VEZF1: variants seen among roughly 807,000 people sequenced by gnomAD.
The protein encoded by VEZF1 is vascular endothelial zinc finger 1, also known as putative transcription factor DB1.
In VEZF1, 5 loss-of-function variants were observed where a neutral mutation model predicts 44.1. The observed-to-expected ratio is 0.11, with a 90% CI of 0.06 to 0.24. VEZF1 has a LOEUF of 0.24. Among genes scored for constraint, VEZF1 ranks in the 10% least tolerant of loss-of-function variants. The probability of loss-of-function intolerance (pLI) is 1.00; values close to 1 mark genes in which losing one functional copy is unlikely to be tolerated. For synonymous variants in VEZF1, 236 were observed against 233.1 expected (o/e 1.01, Z -0.11); for missense variants, 358 against 641.8 (o/e 0.56, Z 4.78).
chr17:57,973,732 G>T lies in VEZF1; in HGVS notation c.*741C>A, dbSNP rs2075161003. 1 of 151,470 alleles carries T rather than the reference G, an allele frequency of 6.6e-6. No homozygotes were observed. The highest frequency in any genetic ancestry group is 2.1e-4 in the South Asian group (1 of 4,800). The allele number at this position is 151,470 out of a possible 1,614,324, so 9.4% of individuals were successfully genotyped here. A position where few individuals can be genotyped will look rare whatever the true frequency, so the allele number is the denominator to read the frequency against. Reference sequence around the variant, plus strand: ...TTTTCTTAGCAAAACACAATTTGTAGATTTTTTTTAAATTTTTTTTTTTTT... The same window carrying T: ...TTTTCTTAGCAAAACACAATTTGTATATTTTTTTTAAATTTTTTTTTTTTT... On this transcript the variant is annotated 3_prime_UTR_variant, in exon 6 of 6. Coordinates refer to ENST00000581208, the MANE Select transcript of VEZF1 (RefSeq NM_007146.3).
chr17:57,978,133 G>A (rs543842460), intron 5 of VEZF1, among the ~76,000 whole-genome samples: 2 of 152,100 alleles, frequency 1.3e-5, no homozygotes, highest in East Asian at 3.9e-4. Flanking sequence ...AACCCAGGAG[G>A]CGGAGGCTGC....
chr17:57,985,106 A>G (rs970421880), intron 1 of VEZF1: 3 of 467,814 alleles, frequency 6.4e-6, no homozygotes, highest in Non-Finnish European at 1.0e-5. Context: ...TAATAGCTGA[A>G]GATAGCTGAA....
At chr17:57,987,445 A>T (rs1223433990) in intron 1 of VEZF1, among the ~76,000 whole-genome samples, 3 of 152,166 alleles carry the variant, frequency 2.0e-5, no homozygotes, top group Non-Finnish European at 4.4e-5. Context: ...CACTCACAAC[A>T]TCCGCCCCCC....
chr17:57,981,981 G>C, intron 2 of VEZF1, 45 bp from the exon 3 acceptor site: 1 of 1,587,092 alleles, frequency 6.3e-7, no homozygotes, highest in Non-Finnish European at 8.7e-7. Context: ...CGAACACATA[G>C]AGAAATGCTA....
chr17:57,987,448 C>T (rs751213213), intron 1 of VEZF1, among the ~76,000 whole-genome samples: 2 of 152,162 alleles, frequency 1.3e-5, no homozygotes, highest in African/African-American at 2.4e-5. Flanking sequence ...TCACAACATC[C>T]GCCCCCCCAA....
intron 1 of VEZF1, among the ~76,000 whole-genome samples, chr17:57,987,794 G>C (rs1598052400): frequency 1.3e-5 from 2 of 151,908 alleles, no homozygotes; most frequent in African/African-American, 2.4e-5. Flanking sequence ...CCCCTTCAGA[G>C]CGAGAGGGAA....
At chr17:57,984,331 T>C (rs1465682924) in intron 1 of VEZF1, among the ~76,000 whole-genome samples, 1 of 152,204 alleles carries the variant, frequency 6.6e-6, no homozygotes, top group Non-Finnish European at 1.5e-5. Context: ...ATGGATCAGG[T>C]TCTTGACATT....
In VEZF1 at chr17:57,983,285, T is replaced by C. The variant is rs766331187; in HGVS notation, c.142A>G (p.Ile48Val). 2.0e-5 allele frequency: 32 copies of C among 1,614,064 alleles called. No homozygotes were observed. The highest frequency in any genetic ancestry group is 1.2e-4 in the South Asian group (11 of 91,090). ...PDQKPLLPIPITQKPQGAPET... is the reference protein window; with the variant it reads ...PDQKPLLPIPVTQKPQGAPET... ...GGTGCACCCTGAGGTTTCTGAGTTA[T>C]TGGTATTGGAAGCAATGGTTTCTGA... Residue 48 changes from isoleucine (I) to valine (V), a missense_variant, in exon 2 of 6, where the codon ATA becomes GTA. Around this residue, in one of 4 missense-constraint regions of VEZF1, gnomAD observed 117 missense variants for 207.2 expected, o/e 0.56. Transcript: ENST00000581208.
At chr17:57,985,799 T>C (rs1044671910) in intron 1 of VEZF1, among the ~76,000 whole-genome samples, 7 of 152,196 alleles carry the variant, frequency 4.6e-5, no homozygotes, top group African/African-American at 1.2e-4. Flanking sequence ...GTTAGAAGAA[T>C]CATCCATCAA....
intron 4 of VEZF1, among the ~76,000 whole-genome samples, 163 bp downstream of exon 4, chr17:57,980,440 T>C (rs138061508): frequency 1.3e-4 from 20 of 152,382 alleles, no homozygotes; most frequent in Admixed American, 3.9e-4. Context: ...AAGTAAAGCA[T>C]AGTTCTGACA....
rs1188247739 is a variant in VEZF1, at chr17:57,973,429, CTAGT to C, written c.*1040_*1043del. On this transcript the variant is annotated 3_prime_UTR_variant, in exon 6 of 6. Transcript: ENST00000581208. ...CATGTTCTGAAGGGGCATACACTAC[CTAGT>C]TAGTGGTTAGAATAAAAACTGTATA... The C allele has an allele frequency of 1.3e-5, 2 of 152,706 alleles. No homozygotes were observed. The highest frequency in any genetic ancestry group is 3.9e-4 in the East Asian group (2 of 5,192). The allele number at this position is 152,706 out of a possible 1,614,324, so 9.5% of individuals were successfully genotyped here. A position where few individuals can be genotyped will look rare whatever the true frequency, so the allele number is the denominator to read the frequency against.
In VEZF1 at chr17:57,984,918, T is replaced by C. The variant is rs190247099; in HGVS notation, c.34-1525A>G. Among the ~76,000 whole-genome samples the C allele has an allele frequency of 2.0e-5, 3 of 152,344 alleles. No homozygotes were observed. The East Asian group carries it at 5.8e-4, about 29-fold the overall frequency. ...GTTACTTATGAGTCTCTTTCTGGACTTAACTGCTCCTAGCAAATTACAGTC... is the reference window on the plus strand; with the variant it reads ...GTTACTTATGAGTCTCTTTCTGGACCTAACTGCTCCTAGCAAATTACAGTC... On this transcript the variant is annotated intron_variant, in intron 1 of 5. Coordinates refer to ENST00000581208, the MANE Select transcript of VEZF1 (RefSeq NM_007146.3).
intron 1 of VEZF1, among the ~76,000 whole-genome samples, chr17:57,984,944 C>T (rs1598050090): frequency 1.3e-5 from 2 of 152,246 alleles, no homozygotes; most frequent in African/African-American, 4.8e-5. Flanking sequence ...AATTACAGTC[C>T]GCTTTTAATC....
rs115495645 is a variant in VEZF1, at chr17:57,981,195, C to T, written c.793-409G>A. Among the ~76,000 whole-genome samples, 889 of 152,326 alleles carry T rather than the reference C, an allele frequency of 5.8e-3. 9 individuals are homozygous for T. The highest frequency in any genetic ancestry group is 0.03 in the South Asian group (144 of 4,828). Reference sequence around the variant, plus strand: ...GCCTGGTATACACAGCAGGCACTCACTCAATGACACTAGCTTCCTTCCTCC... The same window carrying T: ...GCCTGGTATACACAGCAGGCACTCATTCAATGACACTAGCTTCCTTCCTCC... On this transcript the variant is annotated intron_variant, in intron 3 of 5. Transcript: ENST00000581208.
intron 4 of VEZF1, 147 bp downstream of exon 4, chr17:57,980,452 TAATA>T (rs1195502039): frequency 1.4e-5 from 10 of 691,176 alleles, no homozygotes; most frequent in Non-Finnish European, 2.2e-5. Context: ...GTTCTGACAT[TAATA>T]TACTCTGTCC....
intron 1 of VEZF1, among the ~76,000 whole-genome samples, chr17:57,984,849 GT>G (rs2075281116): frequency 6.6e-6 from 1 of 152,200 alleles, no homozygotes; most frequent in Non-Finnish European, 1.5e-5. Context: ...TAATTTTGAT[GT>G]AATCACCCTT....
At chr17:57,986,416 T>C (rs1331117162) in intron 1 of VEZF1, among the ~76,000 whole-genome samples, 1 of 152,166 alleles carries the variant, frequency 6.6e-6, no homozygotes, top group Non-Finnish European at 1.5e-5. Flanking sequence ...CCATTTGAGC[T>C]TTTTTCTGGG....
At chr17:57,974,970 A>G in intron 5 of VEZF1, 70 bp from the exon 6 acceptor site, 1 of 1,486,774 alleles carries the variant, frequency 6.7e-7, no homozygotes, top group Non-Finnish European at 9.1e-7. Flanking sequence ...TTTCTGAATC[A>G]ATTTCTTTTC....
chr17:57,979,679 G>C (rs1453416055), intron 4 of VEZF1, among the ~76,000 whole-genome samples: 1 of 151,922 alleles, frequency 6.6e-6, no homozygotes, highest in East Asian at 1.9e-4. Context: ...ATGTTTATAG[G>C]CCGGGTGCAG....
Sources: allele counts gnomAD v4.1 joint callset (sites outside exome capture counted in the v4.1 genomes callset), GRCh38; gene constraint gnomAD v4.1.1; regional missense constraint gnomAD v4.1.1; transcripts MANE v1.5; gene names NCBI Gene and HGNC (gene_info 2026-07-23, HGNC 2026-07-21).